INPP4B: variants seen among roughly 807,000 people sequenced by gnomAD.
INPP4B encodes inositol polyphosphate-4-phosphatase type II B, also known as inositol polyphosphate 4-phosphatase type II.
INPP4B carries 55 observed loss-of-function variants against 122.5 expected under a neutral mutation model. The observed-to-expected ratio is 0.45, with a 90% CI of 0.36 to 0.56. The LOEUF (loss-of-function observed/expected upper bound fraction) is 0.56, where lower values mean the gene tolerates loss of function less well. INPP4B is among the 20% of genes least tolerant of loss of function. INPP4B has a pLI of 0.00. For synonymous variants in INPP4B, 403 were observed against 388.7 expected (o/e 1.04, Z -0.43); for missense variants, 1,000 against 1,097.7 (o/e 0.91, Z 1.26).
At chr4:142,747,264 G>T (rs1247443307) in intron 1 of INPP4B, among the ~76,000 whole-genome samples, 1 of 151,962 alleles carries the variant, frequency 6.6e-6, no homozygotes, top group East Asian at 1.9e-4. Context: ...CAACAAACAT[G>T]AAAAAAAGCT....
At chr4:142,348,845 C>T (rs1399209430) in intron 7 of INPP4B, among the ~76,000 whole-genome samples, 1 of 151,976 alleles carries the variant, frequency 6.6e-6, no homozygotes. Flanking sequence ...ATCCCAGGAG[C>T]TGTTCTGCTG....
intron 9 of INPP4B, among the ~76,000 whole-genome samples, chr4:142,299,546 A>C (rs1332489164): frequency 6.6e-6 from 1 of 151,448 alleles, no homozygotes; most frequent in African/African-American, 2.4e-5. Flanking sequence ...TTCTACACAA[A>C]AGCATAAACT....
intron 13 of INPP4B, 114 bp from the exon 14 acceptor site, chr4:142,208,643 C>T: frequency 3.4e-6 from 2 of 581,472 alleles, no homozygotes; most frequent in Non-Finnish European, 5.6e-6. Flanking sequence ...AAAAACATAT[C>T]CTATATTTAT....
intron 2 of INPP4B, among the ~76,000 whole-genome samples, chr4:142,550,430 C>A (rs545987102): frequency 6.6e-6 from 1 of 152,038 alleles, no homozygotes; most frequent in African/African-American, 2.4e-5. Flanking sequence ...AGAAGTGGCT[C>A]AAGAGGGCAG....
At chr4:142,084,112 CTTTATT>C (rs529780765) in intron 24 of INPP4B, among the ~76,000 whole-genome samples, 616 of 152,118 alleles carry the variant, frequency 4.0e-3, no homozygotes, top group Middle Eastern at 0.01. Context: ...AAACAAATGA[CTTTATT>C]TTTATTTTTA....
rs563827618 is a variant in INPP4B, at chr4:142,288,741, T to C, written c.503+16717A>G. Reference sequence around the variant, plus strand: ...TTTTCTCTGAAACATAACAGCGATATAGTATTGGGTAATTTGCTCAACACC... The same window carrying C: ...TTTTCTCTGAAACATAACAGCGATACAGTATTGGGTAATTTGCTCAACACC... On this transcript the variant is annotated intron_variant, in intron 9 of 25. Transcript: ENST00000262992. Among the ~76,000 whole-genome samples the C allele has an allele frequency of 1.6e-4, 24 of 152,306 alleles. No individual in the cohort carries two copies. The South Asian group carries it at 5.0e-3, about 32-fold the overall frequency.
chr4:142,424,146 C>T (rs1280148728), intron 5 of INPP4B, among the ~76,000 whole-genome samples: 1 of 151,900 alleles, frequency 6.6e-6, no homozygotes. Context: ...TGGCTTTAGT[C>T]AGTCTTCCTT....
chr4:142,651,975 A>T (rs191107423), intron 2 of INPP4B, among the ~76,000 whole-genome samples: 4 of 152,298 alleles, frequency 2.6e-5, no homozygotes, highest in Non-Finnish European at 5.9e-5. Flanking sequence ...TCCTCAATAA[A>T]ATACTGGCAA....
rs535480105 is a variant in INPP4B at position 142,402,131 on chromosome 4, C to T, written c.372+807G>A. On this transcript the variant is annotated intron_variant, in intron 7 of 25. Coordinates refer to ENST00000262992, the MANE Select transcript of INPP4B (RefSeq NM_001101669.3). ...GCTTCAACCAGAACTCTCCTGGAAC[C>T]CACTGGTCCACCTGCCATTAAAGAG... 1.2e-4 allele frequency among the ~76,000 whole-genome samples: 18 copies of T among 152,298 alleles called. 1 individual carries two copies. Among genetic ancestry groups the T allele is most frequent in the South Asian group, 2.1e-4 (1 of 4,826 alleles).
At chr4:142,186,057 T>G (rs1386885331) in intron 15 of INPP4B, among the ~76,000 whole-genome samples, 2 of 152,110 alleles carry the variant, frequency 1.3e-5, no homozygotes, top group African/African-American at 4.8e-5. Context: ...CCATCAATGG[T>G]GTATTGGTTA....
Position 142,276,911 on chromosome 4 carries a change from G to T in INPP4B, c.504-6137C>A, listed in dbSNP as rs538235903. On this transcript the variant is annotated intron_variant, in intron 9 of 25. Coordinates refer to ENST00000262992, the MANE Select transcript of INPP4B (RefSeq NM_001101669.3). Reference sequence around the variant, plus strand: ...AATGCTAAATGTAAAATATAAACCAGCTCTAGCTCCTTGAATTAAGAAATA... The same window carrying T: ...AATGCTAAATGTAAAATATAAACCATCTCTAGCTCCTTGAATTAAGAAATA... 1.3e-4 allele frequency among the ~76,000 whole-genome samples: 19 copies of T among 151,978 alleles called. No homozygotes were observed. In the South Asian group the frequency reaches 3.7e-3, roughly 30 times the overall value.
intron 2 of INPP4B, among the ~76,000 whole-genome samples, chr4:142,476,292 G>A (rs1819766332): frequency 6.6e-6 from 1 of 152,122 alleles, no homozygotes; most frequent in African/African-American, 2.4e-5. Flanking sequence ...TATGCTAAGA[G>A]AATTTATTAC....
chr4:142,387,936 TCTGTG>T (rs1796479624), intron 7 of INPP4B, among the ~76,000 whole-genome samples: 1 of 152,196 alleles, frequency 6.6e-6, no homozygotes, highest in Non-Finnish European at 1.5e-5. Flanking sequence ...TTTCTCTTGG[TCTGTG>T]CTCTTACCAC....
chr4:142,616,127 AT>A (rs148584204), intron 2 of INPP4B, among the ~76,000 whole-genome samples: 4,016 of 152,166 alleles, frequency 0.026, 75 homozygotes, highest in Non-Finnish European at 0.041. Context: ...AAAGATTGAC[AT>A]TTTTATGCAG....
intron 18 of INPP4B, among the ~76,000 whole-genome samples, chr4:142,128,205 T>G (rs1411517844): frequency 7.2e-6 from 1 of 139,536 alleles, no homozygotes; most frequent in Non-Finnish European, 1.6e-5. Context: ...TAAATATATA[T>G]ATGTGTGTGT....
chr4:142,101,034 ATTGT>A (rs1158395913), intron 23 of INPP4B, among the ~76,000 whole-genome samples: 1 of 152,212 alleles, frequency 6.6e-6, no homozygotes, highest in Admixed American at 6.6e-5. Context: ...AAGCAATCTG[ATTGT>A]TTGAAGGCCT....
chr4:142,569,859 C>A (rs561822375), intron 2 of INPP4B, among the ~76,000 whole-genome samples: 1 of 152,152 alleles, frequency 6.6e-6, no homozygotes, highest in South Asian at 2.1e-4. Context: ...ATTAAAAATT[C>A]ATATATTTAA....
At chr4:142,233,729 C>T (rs1164319189) in intron 12 of INPP4B, among the ~76,000 whole-genome samples, 2 of 152,046 alleles carry the variant, frequency 1.3e-5, no homozygotes, top group African/African-American at 4.8e-5. Context: ...GCTTCAGGTT[C>T]TTTTACAGGA....
rs77832170 is a variant in INPP4B, at chr4:142,679,898, G to A, written c.-191+45941C>T. On this transcript the variant is annotated intron_variant, in intron 2 of 25. Transcript: ENST00000262992. ...TCAATAGTACTCCCTGTGTCAAAAC[G>A]TTAAAAAAAAAATAGATACCCTACG... Among the ~76,000 whole-genome samples, 1,302 of 150,534 alleles carry A rather than the reference G, an allele frequency of 8.6e-3. 24 individuals carry two copies. The highest frequency in any genetic ancestry group is 0.03 in the African/African-American group (1,234 of 41,064).
Sources: gnomAD v4.1 joint callset for allele counts (sites outside exome capture counted in the v4.1 genomes callset) on GRCh38, gnomAD v4.1.1 for gene constraint, MANE v1.5 for transcripts, NCBI Gene and HGNC (gene_info 2026-07-23, HGNC 2026-07-21) for gene names.